CLINT1: variants seen among roughly 807,000 people sequenced by gnomAD.
The protein encoded by CLINT1 is clathrin interacting protein localized in the trans-Golgi region.
In CLINT1, 15 loss-of-function variants were observed where a neutral mutation model predicts 70.4. That is an observed-to-expected ratio of 0.21 (90% confidence interval 0.14 to 0.33). The LOEUF (loss-of-function observed/expected upper bound fraction) is 0.33. Ranked by LOEUF, CLINT1 falls within the 10% of genes least tolerant of loss-of-function variation. The pLI is 1.00. For synonymous variants in CLINT1, 227 were observed against 254.7 expected (o/e 0.89, Z 1.04); for missense variants, 615 against 778.1 (o/e 0.79, Z 2.49).
chr5:157,802,635 T>C (rs1762262862), intron 8 of CLINT1, among the ~76,000 whole-genome samples: 1 of 150,374 alleles, frequency 6.7e-6, no homozygotes, highest in South Asian at 2.1e-4. Context: ...AACCTCCGCC[T>C]CCCGGGTTCA....
intron 1 of CLINT1, among the ~76,000 whole-genome samples, chr5:157,846,767 A>C (rs1753396230): frequency 6.6e-6 from 1 of 152,196 alleles, no homozygotes; most frequent in Non-Finnish European, 1.5e-5. Context: ...CGCAGCTGTG[A>C]GCCAGTGCTC....
At position 157,786,531 on chromosome 5, in the gene CLINT1, C is replaced by T. The variant is rs1452668171; in HGVS notation, c.*1115G>A. The T allele has an allele frequency of 6.6e-6, 1 of 152,406 alleles. No homozygotes were observed. The highest frequency in any genetic ancestry group is 1.5e-5 in the Non-Finnish European group (1 of 67,964). The allele number at this position is 152,406 out of a possible 1,614,324, so 9.4% of individuals were successfully genotyped here. A position where few individuals can be genotyped will look rare whatever the true frequency, so the allele number is the denominator to read the frequency against. On this transcript the variant is annotated 3_prime_UTR_variant, in exon 12 of 12. Transcript: ENST00000411809. ...TTAATGCAGAATTACAGCAGAAAAA[C>T]AAAAACATTTTCATTAATTTCCTTT...
chr5:157,848,351 C>T (rs1167408453), intron 1 of CLINT1, among the ~76,000 whole-genome samples: 2 of 151,158 alleles, frequency 1.3e-5, no homozygotes, highest in African/African-American at 2.4e-5. Flanking sequence ...CCCGCCTCTC[C>T]CTCACAAAGC....
chr5:157,804,943 G>T (rs890246809), intron 7 of CLINT1, among the ~76,000 whole-genome samples: 2 of 151,534 alleles, frequency 1.3e-5, no homozygotes, highest in Non-Finnish European at 2.9e-5. Context: ...AAAAGAAAAA[G>T]AAAAAGAAAA....
intron 1 of CLINT1, among the ~76,000 whole-genome samples, chr5:157,832,062 G>A (rs1202319389): frequency 1.3e-5 from 2 of 152,006 alleles, no homozygotes; most frequent in Admixed American, 6.6e-5. Context: ...ATCTCGGCTC[G>A]CTGCAGTCTC....
intron 1 of CLINT1, among the ~76,000 whole-genome samples, chr5:157,856,013 T>C (rs1753747990): frequency 6.6e-6 from 1 of 152,132 alleles, no homozygotes. Flanking sequence ...AGGAAACACA[T>C]TTTTCAGAGT....
intron 10 of CLINT1, 22 bp from the exon 11 acceptor site, chr5:157,789,535 C>G: frequency 6.2e-7 from 1 of 1,613,916 alleles, no homozygotes; most frequent in Non-Finnish European, 8.5e-7. Flanking sequence ...GAGGATTAGG[C>G]TTCTGCAGCA....
rs528603332 is a variant in CLINT1, at chr5:157,785,837, G to A, written c.*1809C>T. ...AAGAAAAAATTTACTTAAGATGATC[G>A]GTTTTAAATATCAGGGACCATATTC... is the stretch of plus-strand genomic sequence containing the variant. On this transcript the variant is annotated 3_prime_UTR_variant, in exon 12 of 12. Coordinates refer to ENST00000411809, the MANE Select transcript of CLINT1 (RefSeq NM_014666.4). 2 of 152,112 alleles carry A rather than the reference G, an allele frequency of 1.3e-5. No homozygotes were observed. Among genetic ancestry groups the A allele is most frequent in the African/African-American group, 2.4e-5 (1 of 41,430 alleles). The allele number at this position is 152,112 out of a possible 1,614,324, so 9.4% of individuals were successfully genotyped here. A position where few individuals can be genotyped will look rare whatever the true frequency, so the allele number is the denominator to read the frequency against.
intron 6 of CLINT1, among the ~76,000 whole-genome samples, chr5:157,808,841 T>C (rs971829708): frequency 6.6e-6 from 1 of 152,074 alleles, no homozygotes; most frequent in Non-Finnish European, 1.5e-5. Flanking sequence ...TTCAAATCCT[T>C]TGACTTATGT....
chr5:157,817,933 C>T (rs979587255), intron 1 of CLINT1, among the ~76,000 whole-genome samples: 2 of 152,106 alleles, frequency 1.3e-5, no homozygotes, highest in Non-Finnish European at 2.9e-5. Flanking sequence ...GCTTATGTTT[C>T]CTGCTTATAG....
At chr5:157,788,968 GAAAAAAAAAA>G (rs58634730) in intron 11 of CLINT1, among the ~76,000 whole-genome samples, 7,665 of 95,786 alleles carry the variant, frequency 0.08, 725 homozygotes, top group African/African-American at 0.25. Context: ...CTCCATCTCA[GAAAAAAAAAA>G]AAAAAAAAAA....
chr5:157,792,547 A>G (rs1054275953), intron 9 of CLINT1, among the ~76,000 whole-genome samples: 1 of 150,920 alleles, frequency 6.6e-6, no homozygotes, highest in African/African-American at 2.4e-5. Flanking sequence ...GACTCCGTCT[A>G]AAAAAAAATG....
At chr5:157,839,317 C>T (rs1381004347) in intron 1 of CLINT1, among the ~76,000 whole-genome samples, 1 of 151,996 alleles carries the variant, frequency 6.6e-6, no homozygotes, top group Non-Finnish European at 1.5e-5. Flanking sequence ...AACTTTGTCC[C>T]AGGCCAGGTG....
chr5:157,844,752 A>G (rs1446878533), intron 1 of CLINT1, among the ~76,000 whole-genome samples: 2 of 152,240 alleles, frequency 1.3e-5, no homozygotes, highest in African/African-American at 2.4e-5. Context: ...ACCAAAACAT[A>G]AAGATCACAG....
intron 8 of CLINT1, among the ~76,000 whole-genome samples, chr5:157,802,105 T>C (rs1040994266): frequency 6.6e-6 from 1 of 152,062 alleles, no homozygotes; most frequent in East Asian, 1.9e-4. Flanking sequence ...ATGTTGGCCA[T>C]GCTGGTCTTG....
intron 11 of CLINT1, 23 bp from the exon 12 acceptor site, chr5:157,788,015 A>G: frequency 6.4e-7 from 1 of 1,557,168 alleles, no homozygotes; most frequent in Non-Finnish European, 8.8e-7. Flanking sequence ...AACAGACAGA[A>G]GAACTTTACC....
chr5:157,825,309 A>C (rs1290167349), intron 1 of CLINT1, among the ~76,000 whole-genome samples: 3 of 152,090 alleles, frequency 2.0e-5, no homozygotes, highest in Non-Finnish European at 4.4e-5. Context: ...TTCAAGAGGG[A>C]ACTCTAAATT....
chr5:157,796,201 C>T (rs1407291139), intron 8 of CLINT1: 2 of 152,028 alleles, frequency 1.3e-5, no homozygotes, highest in Non-Finnish European at 2.9e-5. Flanking sequence ...TTTTTTGCTA[C>T]TTCTAGATAG....
At chr5:157,798,625 C>T (rs1294336153) in intron 8 of CLINT1, among the ~76,000 whole-genome samples, 2 of 151,908 alleles carry the variant, frequency 1.3e-5, no homozygotes, top group African/African-American at 4.8e-5. Context: ...CTATAATACA[C>T]AAGTTTTAGA....
Sources: allele counts gnomAD v4.1 joint callset (sites outside exome capture counted in the v4.1 genomes callset), GRCh38; gene constraint gnomAD v4.1.1; transcripts MANE v1.5; gene names NCBI Gene and HGNC (gene_info 2026-07-23, HGNC 2026-07-21).